RFX4: variants seen among roughly 807,000 people sequenced by gnomAD.
RFX4 encodes the protein transcription factor RFX4.
A neutral mutation model predicts 95.0 loss-of-function variants in RFX4; 10 were observed. That is an observed-to-expected ratio of 0.11 (90% CI 0.06 to 0.18). The LOEUF is 0.18. Ranked by LOEUF, RFX4 falls within the 10% of genes least tolerant of loss-of-function variation. RFX4 has a pLI of 1.00. For synonymous variants in RFX4, 321 were observed against 340.7 expected (o/e 0.94, Z 0.64); for missense variants, 640 against 922.0 (o/e 0.69, Z 3.96).
rs2043207206 is a variant in RFX4 at position 106,761,468 on chromosome 12, G to A, written c.2207G>A (p.Ter736=). The change falls in exon 18 of 18, where the codon TGA becomes TAA. Residue 736 remains the stop codon, a stop_retained_variant. Transcript: ENST00000392842. ...GAGGCCTCTACAGGATGGGCTAAAT[G>A]ACTGCTATCATAGGCATCCATATTT... is the stretch of plus-strand genomic sequence containing the variant. ...NGEASTGWAK[*] is the part of the protein sequence containing the mutation. 7.5e-6 allele frequency: 12 copies of A among 1,595,318 alleles called. No homozygotes were observed. The highest frequency in any genetic ancestry group is 1.0e-5 in the Non-Finnish European group (12 of 1,170,028).
At chr12:106,737,172 T>G (rs1488712778) in intron 15 of RFX4, among the ~76,000 whole-genome samples, 8 of 76,882 alleles carry the variant, frequency 1.0e-4, no homozygotes, top group Non-Finnish European at 1.7e-4. Flanking sequence ...GTTTTTTTTT[T>G]TTTTTTTTTT....
At chr12:106,758,842 T>C (rs2043157323) in intron 17 of RFX4, among the ~76,000 whole-genome samples, 1 of 152,246 alleles carries the variant, frequency 6.6e-6, no homozygotes, top group South Asian at 2.1e-4. Context: ...TTCCACTAGC[T>C]TGCTGTGTGA....
rs903516810 is a variant in RFX4, at chr12:106,590,639, C to T, written c.43+7276C>T. On this transcript the variant is annotated intron_variant, in intron 1 of 17. Coordinates refer to ENST00000392842, the MANE Select transcript of RFX4 (RefSeq NM_213594.3). Reference sequence around the variant, plus strand: ...TTTTAAAAAGCAAATGTTTTAAAAACACTGTGACAGAGAAAGGATATAATG... The same window carrying T: ...TTTTAAAAAGCAAATGTTTTAAAAATACTGTGACAGAGAAAGGATATAATG... Among the ~76,000 whole-genome samples, 4 of 152,192 alleles carry T rather than the reference C, an allele frequency of 2.6e-5. No individual in the cohort carries two copies. The East Asian group carries it at 5.8e-4, about 22-fold the overall frequency.
At chr12:106,589,704 A>T (rs2039511134) in intron 1 of RFX4, among the ~76,000 whole-genome samples, 1 of 152,194 alleles carries the variant, frequency 6.6e-6, no homozygotes, top group Non-Finnish European at 1.5e-5. Flanking sequence ...CACTGGCTTT[A>T]GGTGGATTTG....
chr12:106,693,571 C>G (rs1403006774), intron 7 of RFX4, among the ~76,000 whole-genome samples: 1 of 152,154 alleles, frequency 6.6e-6, no homozygotes, highest in Non-Finnish European at 1.5e-5. Flanking sequence ...GACAAGAAGG[C>G]CCAGGACCTG....
chr12:106,583,384 T>TG lies in RFX4; in HGVS notation c.43+27dup, dbSNP rs781069319. On this transcript the variant is annotated intron_variant, in intron 1 of 17. Coordinates refer to ENST00000392842, the MANE Select transcript of RFX4 (RefSeq NM_213594.3). ...CACAGGTTAGTCCTACTGGCGGGGTTGGGGGGATACATTGGGAGGGAAGGA... is the reference window on the plus strand; with the variant it reads ...CACAGGTTAGTCCTACTGGCGGGGTTGGGGGGGATACATTGGGAGGGAAGGA... The TG allele has an allele frequency of 2.6e-6, 4 of 1,552,918 alleles. No individual in the cohort carries two copies. In the South Asian group the frequency reaches 3.7e-5, roughly 14 times the overall value.
At chr12:106,678,648 C>T (rs2041444708) in intron 4 of RFX4, among the ~76,000 whole-genome samples, 2 of 151,996 alleles carry the variant, frequency 1.3e-5, no homozygotes, top group South Asian at 2.1e-4. Context: ...TTTGTTCTAC[C>T]CACAATCCCA....
intron 1 of RFX4, among the ~76,000 whole-genome samples, chr12:106,603,798 A>G (rs1227884486): frequency 6.6e-6 from 1 of 152,212 alleles, no homozygotes; most frequent in Non-Finnish European, 1.5e-5. Flanking sequence ...CTAACTTTCC[A>G]TATCTATAAA....
rs1387886153 is a variant in RFX4 at position 106,756,468 on chromosome 12, A to T, written c.1936-4729A>T. Among the ~76,000 whole-genome samples, 3 of 152,200 alleles carry T rather than the reference A, an allele frequency of 2.0e-5. No homozygotes were observed. In the East Asian group the frequency reaches 5.8e-4, roughly 29 times the overall value. The stretch of plus-strand genomic sequence containing the variant: ...TCAGCTAATCACCCCCTCTCACAGA[A>T]TCTTCAGCAGCCTGGCTCAAACCAA... On this transcript the variant is annotated intron_variant, in intron 17 of 17. Coordinates refer to ENST00000392842, the MANE Select transcript of RFX4 (RefSeq NM_213594.3).
intron 4 of RFX4, among the ~76,000 whole-genome samples, chr12:106,673,837 T>C (rs1439355146): frequency 6.6e-6 from 1 of 152,250 alleles, no homozygotes; most frequent in Non-Finnish European, 1.5e-5. Flanking sequence ...AATGAATTAA[T>C]GCACTGAGCC....
intron 8 of RFX4, among the ~76,000 whole-genome samples, chr12:106,696,745 C>A (rs917594413): frequency 3.3e-5 from 5 of 152,186 alleles, no homozygotes; most frequent in African/African-American, 1.2e-4. Flanking sequence ...CAAATAGAAT[C>A]ATTTTCTTGG....
chr12:106,681,876 G>A, intron 4 of RFX4, 117 bp from the exon 5 acceptor site: 2 of 1,025,052 alleles, frequency 2.0e-6, no homozygotes, highest in Non-Finnish European at 3.0e-6. Flanking sequence ...CTCCTATTAA[G>A]TCATTGCAAC....
At position 106,583,129 on chromosome 12, in the gene RFX4, CT is replaced by C. The variant is rs2039397509; in HGVS notation, c.-189del. On this transcript the variant is annotated 5_prime_UTR_variant, in exon 1 of 18. Transcript: ENST00000392842. ...CTCTCCCTCTCTCTCCTCTTTTCTT[CT>C]TTCTCTTTTCTTTCCTCTTCTTTTT... The C allele has an allele frequency of 2.1e-6, 1 of 476,288 alleles. No homozygotes were observed. Among genetic ancestry groups the C allele is most frequent in the African/African-American group, 2.0e-5 (1 of 49,386 alleles). The allele number at this position is 476,288 out of a possible 1,614,324, so 29.5% of individuals were successfully genotyped here. A position where few individuals can be genotyped will look rare whatever the true frequency, so the allele number is the denominator to read the frequency against.
intron 2 of RFX4, among the ~76,000 whole-genome samples, chr12:106,610,996 TTTAA>T (rs2039950551): frequency 6.6e-6 from 1 of 152,198 alleles, no homozygotes. Context: ...CTGTTTTTTT[TTTAA>T]TAATAGCCAT....
intron 2 of RFX4, among the ~76,000 whole-genome samples, chr12:106,620,822 C>A (rs2040170599): frequency 6.6e-6 from 1 of 152,038 alleles, no homozygotes; most frequent in Non-Finnish European, 1.5e-5. Context: ...CCCAGAGCGG[C>A]TGTTTATAGA....
chr12:106,742,479 C>T (rs1306228926), intron 15 of RFX4, among the ~76,000 whole-genome samples: 5 of 152,140 alleles, frequency 3.3e-5, no homozygotes, highest in Non-Finnish European at 5.9e-5. Flanking sequence ...CACTGCGCCT[C>T]GCCAGCTTCT....
intron 8 of RFX4, among the ~76,000 whole-genome samples, chr12:106,701,876 G>T (rs1055512282): frequency 1.3e-5 from 2 of 152,102 alleles, no homozygotes; most frequent in Non-Finnish European, 2.9e-5. Context: ...AATTAGCTGG[G>T]TATAGTGGCT....
chr12:106,732,298 T>C, intron 14 of RFX4, 49 bp downstream of exon 14: 2 of 1,607,328 alleles, frequency 1.2e-6, no homozygotes, highest in Middle Eastern at 1.7e-4. Context: ...ATGTTATTTG[T>C]ATCCTTACTT....
intron 2 of RFX4, among the ~76,000 whole-genome samples, chr12:106,616,386 A>G (rs1056260550): frequency 1.3e-5 from 2 of 151,926 alleles, no homozygotes; most frequent in African/African-American, 4.8e-5. Context: ...TTTGTTAAGG[A>G]TTTTGGCATC....
Sources: gnomAD v4.1 joint callset for allele counts (sites outside exome capture counted in the v4.1 genomes callset) on GRCh38, gnomAD v4.1.1 for gene constraint, MANE v1.5 for transcripts, NCBI Gene and HGNC (gene_info 2026-07-23, HGNC 2026-07-21) for gene names.